PCDH9: variants seen among roughly 807,000 people sequenced by gnomAD.
PCDH9 encodes protocadherin-9.
A neutral mutation model predicts 70.6 loss-of-function variants in PCDH9; 24 were observed. The ratio of observed to expected loss-of-function variants is 0.34; its 90% CI spans 0.25 to 0.48. The LOEUF is 0.48. PCDH9 is among the 20% of genes least tolerant of loss of function. The probability of loss-of-function intolerance (pLI) is 0.99; values close to 1 mark genes in which losing one functional copy is unlikely to be tolerated. For synonymous variants in PCDH9, 562 were observed against 558.5 expected, an observed-to-expected ratio of 1.01 and a Z score of -0.09; for missense variants, 1,281 against 1,503.6, an observed-to-expected ratio of 0.85 and a Z score of 2.45.
intron 4 of PCDH9, among the ~76,000 whole-genome samples, chr13:66,424,577 G>A (rs966932078): frequency 1.3e-5 from 2 of 151,898 alleles, no homozygotes; most frequent in Admixed American, 1.3e-4. Context: ...GTAAAAGTCT[G>A]TATAGCTGAT....
intron 4 of PCDH9, among the ~76,000 whole-genome samples, chr13:66,335,184 T>C (rs764386973): frequency 4.5e-4 from 68 of 152,100 alleles, no homozygotes; most frequent in Non-Finnish European, 8.4e-4. Flanking sequence ...GCAGGACATA[T>C]AAAAGAAAGC....
intron 4 of PCDH9, among the ~76,000 whole-genome samples, chr13:66,321,649 T>C (rs17081126): frequency 0.03 from 4,524 of 152,086 alleles, 142 homozygotes; most frequent in Admixed American, 0.084. Context: ...ATGGTCACTA[T>C]AGATGAGTAG....
At chr13:66,428,962 T>C (rs529728843) in intron 4 of PCDH9, among the ~76,000 whole-genome samples, 25 of 151,972 alleles carry the variant, frequency 1.6e-4, no homozygotes, top group African/African-American at 6.0e-4. Context: ...CATATTTTTA[T>C]GGTGTGTAAC....
chr13:67,229,119 C>T (rs1451535905), intron 1 of PCDH9, among the ~76,000 whole-genome samples: 3 of 152,226 alleles, frequency 2.0e-5, no homozygotes, highest in African/African-American at 7.2e-5. Flanking sequence ...CCGGACATGC[C>T]GCTGCAGCGG....
Position 66,866,833 on chromosome 13 carries a change from C to A in PCDH9, c.3138+36671G>T, listed in dbSNP as rs566587365. Among the ~76,000 whole-genome samples, 4 of 152,188 alleles carry A rather than the reference C, an allele frequency of 2.6e-5. No homozygotes were observed. In the South Asian group the frequency reaches 8.3e-4, roughly 32 times the overall value. ...ATAATAAAATAAAACAAAACTTGCT[C>A]ACATGTATGTGGATACCATCATTTC... is the stretch of plus-strand genomic sequence containing the variant. On this transcript the variant is annotated intron_variant, in intron 3 of 4. Coordinates refer to ENST00000377865, the MANE Select transcript of PCDH9 (RefSeq NM_203487.3).
chr13:66,468,550 A>T (rs1958558231), intron 4 of PCDH9, among the ~76,000 whole-genome samples: 1 of 152,166 alleles, frequency 6.6e-6, no homozygotes, highest in Non-Finnish European at 1.5e-5. Context: ...ACTTCATGAC[A>T]ATACATACTC....
At chr13:66,880,652 G>C (rs1413811770) in intron 3 of PCDH9, among the ~76,000 whole-genome samples, 1 of 151,954 alleles carries the variant, frequency 6.6e-6, no homozygotes, top group African/African-American at 2.4e-5. Flanking sequence ...ACTATCTCAA[G>C]GTCTGACTCC....
chr13:66,960,802 C>T (rs1405711736), intron 2 of PCDH9, among the ~76,000 whole-genome samples: 2 of 152,150 alleles, frequency 1.3e-5, no homozygotes, highest in African/African-American at 4.8e-5. Flanking sequence ...TAGTAACACT[C>T]AATCAGCTTA....
At chr13:66,569,961 C>T (rs1566425574) in intron 4 of PCDH9, among the ~76,000 whole-genome samples, 2 of 152,042 alleles carry the variant, frequency 1.3e-5, no homozygotes, top group Non-Finnish European at 2.9e-5. Flanking sequence ...AATGTAAACA[C>T]AAATATTAAA....
At position 67,042,046 on chromosome 13, in the gene PCDH9, T is replaced by C. The variant is rs1265736356; in HGVS notation, c.3037-138441A>G. Reference sequence around the variant, plus strand: ...GTTGTTGCCCTTACCAAAGCCCATGTTTCTAGTGATGCATCTCCAGGATGG... The same window carrying C: ...GTTGTTGCCCTTACCAAAGCCCATGCTTCTAGTGATGCATCTCCAGGATGG... On this transcript the variant is annotated intron_variant, in intron 2 of 4. Transcript: ENST00000377865. 2.6e-5 allele frequency among the ~76,000 whole-genome samples: 4 copies of C among 152,104 alleles called. No homozygotes were observed. In the East Asian group the frequency reaches 7.8e-4, roughly 29 times the overall value.
At chr13:66,589,696 C>G (rs887064769) in intron 4 of PCDH9, among the ~76,000 whole-genome samples, 2 of 151,972 alleles carry the variant, frequency 1.3e-5, no homozygotes, top group Admixed American at 6.6e-5. Flanking sequence ...ATGAATCCTT[C>G]CAGGGTGGGC....
chr13:66,469,110 T>C (rs974184616), intron 4 of PCDH9, among the ~76,000 whole-genome samples: 17 of 152,134 alleles, frequency 1.1e-4, no homozygotes, highest in Admixed American at 2.0e-4. Flanking sequence ...ATATTTCTCA[T>C]ACAATTATCA....
At chr13:67,188,811 T>C (rs2088829713) in intron 2 of PCDH9, among the ~76,000 whole-genome samples, 1 of 152,114 alleles carries the variant, frequency 6.6e-6, no homozygotes. Flanking sequence ...CTGTAAGTTT[T>C]AGGGGAACAG....
intron 3 of PCDH9, among the ~76,000 whole-genome samples, chr13:66,776,286 A>C (rs1166240723): frequency 6.6e-6 from 1 of 150,734 alleles, no homozygotes; most frequent in East Asian, 2.0e-4. Context: ...CAGGGCAATC[A>C]GGCAGGAGAA....
intron 4 of PCDH9, among the ~76,000 whole-genome samples, chr13:66,626,767 A>G (rs1201419196): frequency 6.6e-6 from 1 of 152,164 alleles, no homozygotes; most frequent in Non-Finnish European, 1.5e-5. Flanking sequence ...CACAAAACCT[A>G]TCAATTATTG....
chr13:66,563,887 C>CTT (rs914973070), intron 4 of PCDH9, among the ~76,000 whole-genome samples: 1 of 152,082 alleles, frequency 6.6e-6, no homozygotes, highest in Non-Finnish European at 1.5e-5. Flanking sequence ...CATCAGGACA[C>CTT]TTTTTGTAAC....
intron 3 of PCDH9, among the ~76,000 whole-genome samples, chr13:66,840,126 A>G (rs1156547612): frequency 6.6e-6 from 1 of 152,110 alleles, no homozygotes; most frequent in African/African-American, 2.4e-5. Flanking sequence ...TAGTCAAGCC[A>G]CTGAGGGCCC....
At chr13:66,861,764 T>C (rs908568550) in intron 3 of PCDH9, among the ~76,000 whole-genome samples, 12 of 152,130 alleles carry the variant, frequency 7.9e-5, no homozygotes, top group Non-Finnish European at 4.4e-5. Context: ...TACATGTCTA[T>C]AAATAAATAA....
At chr13:66,812,741 G>T (rs1412799451) in intron 3 of PCDH9, among the ~76,000 whole-genome samples, 1 of 152,178 alleles carries the variant, frequency 6.6e-6, no homozygotes, top group African/African-American at 2.4e-5. Context: ...CAGTGTAGTT[G>T]TTACAGAAGA....
Sources: gnomAD v4.1 joint callset for allele counts (sites outside exome capture counted in the v4.1 genomes callset) on GRCh38, gnomAD v4.1.1 for gene constraint, MANE v1.5 for transcripts, NCBI Gene and HGNC (gene_info 2026-07-23, HGNC 2026-07-21) for gene names.